Variants in LRP12 observed in about 807,000 individuals in gnomAD.
The protein encoded by LRP12 is LDL receptor related protein 12.
Under a neutral mutation model 66.0 loss-of-function variants are expected in LRP12, and 14 were observed. That is an observed-to-expected ratio of 0.21 (90% CI 0.14 to 0.33). LRP12 has a LOEUF of 0.33. LRP12 is among the 10% of genes least tolerant of loss of function. The probability of loss-of-function intolerance (pLI) is 1.00; values close to 1 mark genes in which losing one functional copy is unlikely to be tolerated. For synonymous variants in LRP12, 357 were observed against 359.1 expected, an observed-to-expected ratio of 0.99 and a Z score of 0.07; for missense variants, 889 against 1,053.4, an observed-to-expected ratio of 0.84 and a Z score of 2.16.
chr8:104,521,296 A>G (rs1040064615), intron 2 of LRP12, among the ~76,000 whole-genome samples: 1 of 151,794 alleles, frequency 6.6e-6, no homozygotes, highest in Non-Finnish European at 1.5e-5. Flanking sequence ...TTGGATTTTC[A>G]GATTTGGGAT....
At chr8:104,549,400 C>CTTTTTTTT (rs66644217) in intron 1 of LRP12, among the ~76,000 whole-genome samples, 1 of 116,690 alleles carries the variant, frequency 8.6e-6, no homozygotes, top group African/African-American at 3.3e-5. Flanking sequence ...TCTGAATCCA[C>CTTTTTTTT]TTTTTTTTTT....
intron 1 of LRP12, among the ~76,000 whole-genome samples, 196 bp downstream of exon 1, chr8:104,588,623 G>A (rs552143996): frequency 1.5e-4 from 23 of 152,210 alleles, no homozygotes; most frequent in African/African-American, 4.8e-4. Context: ...CGAGGGTCTG[G>A]AGGTGGACGA....
chr8:104,514,996 C>G (rs987933016), intron 2 of LRP12, among the ~76,000 whole-genome samples: 2 of 152,254 alleles, frequency 1.3e-5, no homozygotes, highest in Non-Finnish European at 1.5e-5. Context: ...TTTGTAAGTG[C>G]TGGGCACTAT....
chr8:104,497,955 G>A lies in LRP12; in HGVS notation c.597C>T (p.Ile199=). The A allele has an allele frequency of 6.2e-7, 1 of 1,614,172 alleles. No homozygotes were observed. Among genetic ancestry groups the A allele is most frequent in the Non-Finnish European group, 8.5e-7 (1 of 1,180,026 alleles). The change falls in exon 5 of 7, where the codon ATC becomes ATT. Residue 199 remains isoleucine (I), a synonymous_variant. Transcript: ENST00000276654. This position sits in a 1 kb window ranked among gnomAD's most constrained non-coding sequence, Gnocchi z 4.3. ...DECGDSSDEE[I]CAKEANPPTA... is the part of the protein sequence containing the mutation. Reference sequence around the variant, plus strand: ...TTGGAGGATTTGCTTCTTTGGCACAGATCTCTTCATCGGAACTATCTCCAC... The same window carrying A: ...TTGGAGGATTTGCTTCTTTGGCACAAATCTCTTCATCGGAACTATCTCCAC...
At chr8:104,542,385 T>C (rs894322878) in intron 1 of LRP12, among the ~76,000 whole-genome samples, 2 of 152,202 alleles carry the variant, frequency 1.3e-5, no homozygotes, top group African/African-American at 4.8e-5. Flanking sequence ...TCTTTAGACA[T>C]TGTAGATATT....
At chr8:104,526,766 G>C (rs1308830384) in intron 2 of LRP12, among the ~76,000 whole-genome samples, 1 of 147,804 alleles carries the variant, frequency 6.8e-6, no homozygotes, top group Non-Finnish European at 1.5e-5. Flanking sequence ...CAGGACATAG[G>C]CATGGGCAAG....
chr8:104,524,678 TAAA>T (rs1008679277), intron 2 of LRP12, among the ~76,000 whole-genome samples: 3 of 152,248 alleles, frequency 2.0e-5, no homozygotes, highest in African/African-American at 7.2e-5. Flanking sequence ...AAAGGACAAA[TAAA>T]AAATTTAATA....
chr8:104,546,121 CAG>C (rs934105449), intron 1 of LRP12, among the ~76,000 whole-genome samples: 1 of 152,044 alleles, frequency 6.6e-6, no homozygotes, highest in African/African-American at 2.4e-5. Flanking sequence ...AACTGGGGCT[CAG>C]AGGGGACAGT....
chr8:104,500,702 C>CAAATA (rs1460289475), intron 3 of LRP12, among the ~76,000 whole-genome samples: 9 of 151,026 alleles, frequency 6.0e-5, no homozygotes, highest in East Asian at 1.9e-4. Context: ...GACTCCGTCT[C>CAAATA]AAACAAAACA....
intron 3 of LRP12, among the ~76,000 whole-genome samples, chr8:104,501,993 C>T (rs571585560): frequency 2.0e-5 from 3 of 152,152 alleles, no homozygotes; most frequent in South Asian, 2.1e-4. Context: ...TATAAATTTT[C>T]GTGTTTTCAA....
chr8:104,564,975 A>C (rs189059861), intron 1 of LRP12, among the ~76,000 whole-genome samples: 34 of 152,232 alleles, frequency 2.2e-4, no homozygotes, highest in Non-Finnish European at 3.4e-4. Context: ...CAGACAAATT[A>C]TAATTTAGAA....
At chr8:104,535,679 T>C (rs1811383844) in intron 1 of LRP12, among the ~76,000 whole-genome samples, 1 of 151,986 alleles carries the variant, frequency 6.6e-6, no homozygotes, top group Non-Finnish European at 1.5e-5. Context: ...CTTCTAGTAG[T>C]TTGGTAATTT....
intron 1 of LRP12, among the ~76,000 whole-genome samples, chr8:104,548,938 A>AAAATAAATAAATAAAT (rs558517655): frequency 0.016 from 2,370 of 151,370 alleles, 63 homozygotes; most frequent in African/African-American, 0.055. Flanking sequence ...AACTCCGTCA[A>AAAATAAATAAATAAAT]AAATAAATAA....
At chr8:104,571,404 C>G (rs1310727601) in intron 1 of LRP12, among the ~76,000 whole-genome samples, 1 of 152,040 alleles carries the variant, frequency 6.6e-6, no homozygotes. Context: ...CTTTATAATC[C>G]CCATGTGTTA....
intron 1 of LRP12, among the ~76,000 whole-genome samples, chr8:104,586,149 C>T (rs1228591768): frequency 6.6e-6 from 1 of 152,174 alleles, no homozygotes; most frequent in Admixed American, 6.5e-5. Flanking sequence ...GGTCCTTGAA[C>T]AACTACTTCT....
At position 104,589,130 on chromosome 8, in the gene LRP12, C is replaced by G; in HGVS notation, c.-233G>C. ...CTCCCACCCCGGGCGGTGCGAGAGC[C>G]CCACGCGGGGCGGCCCTCCTGGGGG... On this transcript the variant is annotated 5_prime_UTR_variant, in exon 1 of 7. Coordinates refer to ENST00000276654, the MANE Select transcript of LRP12 (RefSeq NM_013437.5). 4.5e-6 allele frequency: 1 copy of G among 220,494 alleles called. No individual in the cohort carries two copies. The highest frequency in any genetic ancestry group is 8.8e-6 in the Non-Finnish European group (1 of 113,114). 13.7% of individuals were successfully genotyped at this position (220,494 alleles called of 1,614,324 possible).
chr8:104,544,087 A>C (rs1811519347), intron 1 of LRP12, among the ~76,000 whole-genome samples: 1 of 152,232 alleles, frequency 6.6e-6, no homozygotes, highest in African/African-American at 2.4e-5. Flanking sequence ...CACAAATGAT[A>C]AGAAAGCAAA....
intron 1 of LRP12, among the ~76,000 whole-genome samples, chr8:104,575,235 A>G (rs1812147511): frequency 6.6e-6 from 1 of 152,202 alleles, no homozygotes; most frequent in African/African-American, 2.4e-5. Context: ...CCCCAAGCCA[A>G]CATCAGCTTC....
intron 2 of LRP12, among the ~76,000 whole-genome samples, chr8:104,516,704 CAATT>C (rs1380916439): frequency 1.3e-5 from 2 of 151,890 alleles, no homozygotes; most frequent in Non-Finnish European, 2.9e-5. Flanking sequence ...ATATTTAAAT[CAATT>C]ATTTAAAAAA....
Sources: allele counts gnomAD v4.1 joint callset (sites outside exome capture counted in the v4.1 genomes callset), GRCh38; gene constraint gnomAD v4.1.1; non-coding constraint Gnocchi (gnomAD v3.1); transcripts MANE v1.5; gene names NCBI Gene and HGNC (gene_info 2026-07-23, HGNC 2026-07-21).